The following SPAG6 variants were observed in gnomAD, a reference collection of about 807,000 sequenced individuals.
SPAG6 encodes sperm associated antigen 6, also known as sperm-associated antigen 6.
SPAG6 carries 49 observed loss-of-function variants against 58.5 expected under a neutral mutation model. The ratio of observed to expected loss-of-function variants is 0.84; its 90% CI spans 0.67 to 1.06. SPAG6 has a LOEUF of 1.06. Among genes scored for constraint, SPAG6 ranks in the 50% least tolerant of loss-of-function variants. The probability of loss-of-function intolerance (pLI) is 0.00; values close to 1 mark genes in which losing one functional copy is unlikely to be tolerated. For synonymous variants in SPAG6, 233 were observed against 225.6 expected (o/e 1.03, Z -0.29); for missense variants, 560 against 611.3 (o/e 0.92, Z 0.89).
At chr10:22,406,006 C>T (rs1227195662) in intron 9 of SPAG6, among the ~76,000 whole-genome samples, 2 of 151,970 alleles carry the variant, frequency 1.3e-5, no homozygotes, top group Non-Finnish European at 2.9e-5. Context: ...TTTTTTATTG[C>T]GTCTATCTGA....
intron 4 of SPAG6, among the ~76,000 whole-genome samples, chr10:22,376,837 C>G (rs1833826412): frequency 6.6e-6 from 1 of 151,996 alleles, no homozygotes; most frequent in Admixed American, 6.6e-5. Context: ...ATAGTCCCAG[C>G]ACTTTGGGAG....
intron 10 of SPAG6, among the ~76,000 whole-genome samples, chr10:22,414,730 A>G (rs1356901581): frequency 6.6e-6 from 1 of 152,180 alleles, no homozygotes; most frequent in African/African-American, 2.4e-5. Flanking sequence ...TGCAAATTTT[A>G]TGTAATCTAA....
chr10:22,372,399 G>A (rs962214031), intron 4 of SPAG6, among the ~76,000 whole-genome samples: 1 of 152,234 alleles, frequency 6.6e-6, no homozygotes, highest in African/African-American at 2.4e-5. Flanking sequence ...TGGAGAGCCT[G>A]TGCCAGCTGG....
At chr10:22,389,915 T>C (rs1834148711) in intron 7 of SPAG6, among the ~76,000 whole-genome samples, 1 of 152,188 alleles carries the variant, frequency 6.6e-6, no homozygotes, top group African/African-American at 2.4e-5. Context: ...TGGCACATAG[T>C]AGGTGCTTAC....
chr10:22,365,098 G>T, intron 3 of SPAG6, 79 bp downstream of exon 3: 2 of 980,882 alleles, frequency 2.0e-6, no homozygotes, highest in African/African-American at 1.6e-5. Flanking sequence ...ACAGTTGCAA[G>T]CCTGTAGGCA....
At chr10:22,355,752 A>G (rs1239193896) in intron 2 of SPAG6, among the ~76,000 whole-genome samples, 2 of 152,214 alleles carry the variant, frequency 1.3e-5, no homozygotes, top group Non-Finnish European at 2.9e-5. Context: ...TTTCTTAATC[A>G]AATGCAGGAA....
At chr10:22,376,683 C>T (rs1260916230) in intron 4 of SPAG6, among the ~76,000 whole-genome samples, 2 of 152,006 alleles carry the variant, frequency 1.3e-5, no homozygotes, top group Admixed American at 6.5e-5. Flanking sequence ...CCTCCCACAT[C>T]GTGTGTCCTG....
intron 5 of SPAG6, among the ~76,000 whole-genome samples, chr10:22,387,481 G>GCCC (rs1225784866): frequency 6.6e-6 from 1 of 152,148 alleles, no homozygotes; most frequent in Non-Finnish European, 1.5e-5. Flanking sequence ...TCTGCTTGAT[G>GCCC]ATTTTTGTAC....
chr10:22,408,605 C>T (rs1280566733), intron 9 of SPAG6, among the ~76,000 whole-genome samples: 13 of 151,784 alleles, frequency 8.6e-5, no homozygotes, highest in African/African-American at 2.2e-4. Context: ...CTGTGCCCTG[C>T]CCCCAGAGGT....
intron 6 of SPAG6, among the ~76,000 whole-genome samples, chr10:22,388,833 A>T (rs1437888655): frequency 6.6e-6 from 1 of 152,094 alleles, no homozygotes; most frequent in Non-Finnish European, 1.5e-5. Flanking sequence ...ACCCATTGTG[A>T]TGGGGGGGTT....
intron 4 of SPAG6, among the ~76,000 whole-genome samples, chr10:22,369,812 A>T (rs1396571292): frequency 3.9e-5 from 6 of 152,216 alleles, no homozygotes; most frequent in African/African-American, 1.4e-4. Flanking sequence ...AGAGTGGACG[A>T]TATGACGTGT....
At chr10:22,366,340 GA>G (rs1387197740) in intron 3 of SPAG6, among the ~76,000 whole-genome samples, 2 of 152,172 alleles carry the variant, frequency 1.3e-5, no homozygotes, top group African/African-American at 4.8e-5. Flanking sequence ...CCATTTATAT[GA>G]ACTATCCAGA....
chr10:22,384,655 G>T (rs1023772507), intron 4 of SPAG6, among the ~76,000 whole-genome samples: 6 of 152,164 alleles, frequency 3.9e-5, no homozygotes, highest in Non-Finnish European at 8.8e-5. Context: ...AAATTGCTAG[G>T]CCCACTTTAG....
intron 7 of SPAG6, among the ~76,000 whole-genome samples, chr10:22,391,264 G>A (rs982499019): frequency 6.6e-6 from 1 of 152,066 alleles, no homozygotes; most frequent in Non-Finnish European, 1.5e-5. Context: ...CGCTGACAAG[G>A]TACTTAGGAT....
chr10:22,407,293 G>A (rs938156154), intron 9 of SPAG6, among the ~76,000 whole-genome samples: 3 of 152,042 alleles, frequency 2.0e-5, no homozygotes, highest in Admixed American at 6.6e-5. Flanking sequence ...TTCTTTCCAT[G>A]TTTAGCGCTT....
chr10:22,408,896 T>C (rs2130639014), intron 9 of SPAG6, among the ~76,000 whole-genome samples: 1 of 152,294 alleles, frequency 6.6e-6, no homozygotes, highest in Non-Finnish European at 1.5e-5. Context: ...GTGACCCGAT[T>C]TTCCAGGTGC....
chr10:22,411,112 C>G lies in SPAG6; in HGVS notation c.1396C>G (p.Pro466Ala). Residue 466 changes from proline (P) to alanine (A), a missense_variant, in exon 10 of 11, where the codon CCT becomes GCT. Pro to Ala is a conservative substitution (Grantham distance 27, BLOSUM62 -1). Transcript: ENST00000376624. ...AAAAGTTCAAGAGATAAAAGCAGAACCTGGTTCTCTCCTTCAAGAATACAT... is the reference window on the plus strand; with the variant it reads ...AAAAGTTCAAGAGATAAAAGCAGAAGCTGGTTCTCTCCTTCAAGAATACAT... ...LKKVQEIKAE[P>A]GSLLQEYINS... 1 of 1,613,904 alleles carries G rather than the reference C, an allele frequency of 6.2e-7. No homozygotes were observed. Among genetic ancestry groups the G allele is most frequent in the South Asian group, 1.1e-5 (1 of 91,042 alleles).
chr10:22,402,367 C>G (rs12356443), intron 9 of SPAG6, among the ~76,000 whole-genome samples: 7,335 of 152,212 alleles, frequency 0.048, 275 homozygotes, highest in Non-Finnish European at 0.08. Context: ...TCTTCATACA[C>G]TATGTTTCTA....
At chr10:22,365,455 G>T (rs1173379625) in intron 3 of SPAG6, among the ~76,000 whole-genome samples, 2 of 152,194 alleles carry the variant, frequency 1.3e-5, no homozygotes, top group African/African-American at 4.8e-5. Context: ...ATAAGTATGT[G>T]TAATGGAAGG....
Sources: gnomAD v4.1 joint callset for allele counts (sites outside exome capture counted in the v4.1 genomes callset) on GRCh38, gnomAD v4.1.1 for gene constraint, MANE v1.5 for transcripts, NCBI Gene and HGNC (gene_info 2026-07-23, HGNC 2026-07-21) for gene names.